The following NPC1 variants were observed in gnomAD, a reference collection of about 807,000 sequenced individuals.
The protein encoded by NPC1 is NPC intracellular cholesterol transporter 1, also known as Niemann-Pick C1 protein.
A neutral mutation model predicts 140.4 loss-of-function variants in NPC1; 85 were observed. The ratio of observed to expected loss-of-function variants is 0.61; its 90% CI spans 0.51 to 0.72. The LOEUF (loss-of-function observed/expected upper bound fraction) is 0.72, where lower values mean the gene tolerates loss of function less well. NPC1 is among the 30% of genes least tolerant of loss of function. NPC1 has a pLI of 0.00. For missense variants in NPC1, 1,504 were observed against 1,623.8 expected, an observed-to-expected ratio of 0.93 and a Z score of 1.27; for synonymous variants, 656 against 624.8, an observed-to-expected ratio of 1.05 and a Z score of -0.74.
Position 23,539,485 on chromosome 18 carries a change from C to G in NPC1, c.2796-15G>C. ...CTATTCGGGTACTAGAGAGGACAGA[C>G]AGGGTTACTGACCTGCTCCACAGGG... On this transcript the variant is annotated splice_polypyrimidine_tract_variant and intron_variant, in intron 18 of 24. Transcript: ENST00000269228. 1 of 1,561,080 alleles carries G rather than the reference C, an allele frequency of 6.4e-7. No homozygotes were observed. The highest frequency in any genetic ancestry group is 1.4e-5 in the African/African-American group (1 of 74,064).
At chr18:23,564,820 C>A (rs2059099022) in intron 4 of NPC1, among the ~76,000 whole-genome samples, 1 of 152,120 alleles carries the variant, frequency 6.6e-6, no homozygotes, top group Admixed American at 6.5e-5. Flanking sequence ...GGTCTTCGAT[C>A]CACTTTGAGT....
At position 23,531,874 on chromosome 18, in the gene NPC1, T is replaced by G. The variant is rs1326365719; in HGVS notation, c.*328A>C. The G allele has an allele frequency of 2.1e-6, 3 of 1,446,306 alleles. No homozygotes were observed. The highest frequency in any genetic ancestry group is 2.5e-5 in the East Asian group (1 of 40,300). The allele number at this position is 1,446,306 out of a possible 1,614,324, so 89.6% of individuals were successfully genotyped here. On this transcript the variant is annotated 3_prime_UTR_variant, in exon 25 of 25. Coordinates refer to ENST00000269228, the MANE Select transcript of NPC1 (RefSeq NM_000271.5). ...TACTCCTAAAAGGAGAGACAGACAG[T>G]GCATTGATTGGCCTTTACAGAGTGT...
At chr18:23,519,017 T>G (rs755639899), downstream of NPC1, 1 of 1,613,552 alleles carries the variant, frequency 6.2e-7, no homozygotes, top group South Asian at 1.1e-5. Context: ...CTCTCTGATT[T>G]TAAAATGTGA....
Position 23,541,308 on chromosome 18 carries a change from C to T in NPC1, c.2371G>A (p.Glu791Lys). 2 of 1,614,240 alleles carry T rather than the reference C, an allele frequency of 1.2e-6. No individual in the cohort carries two copies. The highest frequency in any genetic ancestry group is 1.7e-6 in the Non-Finnish European group (2 of 1,180,050). The change falls in exon 15 of 25, where the codon GAG becomes AAG. Residue 791 changes from glutamate (E) to lysine (K), a missense_variant and splice_region_variant. Transcript: ENST00000269228. ...SLLGLDIKRQ[E>K]KNRLDIFCCV... ...CTATAATCCTGGCACCAACTTACCT[C>T]TTGACGTTTAATGTCTAACCCCAAG...
chr18:23,521,596 G>C (rs1453325453), downstream of NPC1, among the ~76,000 whole-genome samples: 1 of 152,184 alleles, frequency 6.6e-6, no homozygotes, highest in Non-Finnish European at 1.5e-5. Context: ...AGGAATTCAG[G>C]AAAAGGGAAA....
At chr18:23,540,425 A>G (rs778124098) in intron 17 of NPC1, 23 bp downstream of exon 17, 14 of 1,460,554 alleles carry the variant, frequency 9.6e-6, no homozygotes, top group Non-Finnish European at 1.3e-5. Context: ...GTTAAAAAAA[A>G]AAAAAAAAGG....
In NPC1 at chr18:23,531,880, G is replaced by GGC; in HGVS notation, c.*321_*322insGC. 3 of 1,445,146 alleles carry GGC rather than the reference G, an allele frequency of 2.1e-6. No individual in the cohort carries two copies. The highest frequency in any genetic ancestry group is 2.7e-6 in the Non-Finnish European group (3 of 1,106,944). 89.5% of individuals were successfully genotyped at this position (1,445,146 alleles called of 1,614,324 possible). A position where few individuals can be genotyped will look rare whatever the true frequency, so the allele number is the denominator to read the frequency against. On this transcript the variant is annotated 3_prime_UTR_variant, in exon 25 of 25. Coordinates refer to ENST00000269228, the MANE Select transcript of NPC1 (RefSeq NM_000271.5). ...TAAAAGGAGAGACAGACAGTGCATT[G>GGC]ATTGGCCTTTACAGAGTGTCAGTGA... is the stretch of plus-strand genomic sequence containing the variant.
At chr18:23,519,258 C>A, downstream of NPC1, 1 of 1,231,256 alleles carries the variant, frequency 8.1e-7, no homozygotes, top group Non-Finnish European at 1.2e-6. Context: ...TGGATCACGC[C>A]TGTAATCCCA....
intron 3 of NPC1, among the ~76,000 whole-genome samples, chr18:23,508,455 T>C (rs1386119569): frequency 6.6e-6 from 1 of 152,222 alleles, no homozygotes; most frequent in African/African-American, 2.4e-5. Flanking sequence ...TTGTTGTCTT[T>C]GTCTTGTCCT....
intron 14 of NPC1, among the ~76,000 whole-genome samples, chr18:23,543,070 G>C (rs1453542402): frequency 1.3e-5 from 2 of 152,174 alleles, no homozygotes; most frequent in Non-Finnish European, 2.9e-5. Context: ...GCTCACGCCT[G>C]TAATCTCAGC....
chr18:23,543,632 G>T (rs1336461993), intron 13 of NPC1, 63 bp from the exon 14 acceptor site: 6 of 948,006 alleles, frequency 6.3e-6, no homozygotes, highest in Non-Finnish European at 6.7e-6. Flanking sequence ...GCCATTTCTT[G>T]CTGCCTTGTG....
intron 3 of NPC1, among the ~76,000 whole-genome samples, chr18:23,514,903 C>T (rs2057959760): frequency 6.6e-6 from 1 of 152,184 alleles, no homozygotes; most frequent in South Asian, 2.1e-4. Context: ...GCATTAATGT[C>T]TTGGGGGCTC....
intron 10 of NPC1, among the ~76,000 whole-genome samples, chr18:23,548,893 T>C (rs1652344): frequency 0.58 from 88,852 of 151,898 alleles, 27,261 homozygotes; most frequent in East Asian, 0.91. Context: ...CGAACTCAAT[T>C]AATCCTCCTG....
chr18:23,510,384 A>C (rs1351215179), intron 3 of NPC1, among the ~76,000 whole-genome samples: 1 of 151,916 alleles, frequency 6.6e-6, no homozygotes, highest in Non-Finnish European at 1.5e-5. Context: ...ACAGTGGCTC[A>C]CACCTGTAAT....
In NPC1 at chr18:23,515,779, C is replaced by T. The variant is rs1883834118; in HGVS notation, c.432-9137G>A. ...AACTCCTGACCTCAGGTGATCCGCC[C>T]ACCTTAGCCTCCCAAAGTGCTGGGA... On this transcript the variant is annotated intron_variant, in intron 3 of 3. Coordinates refer to the NPC1 transcript ENST00000591107. 3 of 1,569,310 alleles carry T rather than the reference C, an allele frequency of 1.9e-6. No individual in the cohort carries two copies. The East Asian group carries it at 6.8e-5, about 35-fold the overall frequency.
intron 3 of NPC1, chr18:23,515,721 T>TG (rs1297908127): frequency 1.1e-6 from 1 of 951,534 alleles, no homozygotes; most frequent in Non-Finnish European, 1.6e-6. Flanking sequence ...TTAGTAGAGA[T>TG]GGGGTTTTAC....
At chr18:23,517,874 C>T (rs898509565), downstream of NPC1, among the ~76,000 whole-genome samples, 1 of 152,130 alleles carries the variant, frequency 6.6e-6, no homozygotes, top group African/African-American at 2.4e-5. Context: ...CATGCCACCA[C>T]ATCTGGATAA....
At chr18:23,516,444 A>G (rs1227069404) in intron 3 of NPC1, 2 of 1,607,160 alleles carry the variant, frequency 1.2e-6, no homozygotes, top group Non-Finnish European at 1.7e-6. Context: ...GTCAGAGAGA[A>G]TTCCATCCTG....
downstream of NPC1, chr18:23,520,340 G>A (rs748734857): frequency 2.6e-6 from 4 of 1,554,248 alleles, no homozygotes; most frequent in African/African-American, 1.4e-5. Flanking sequence ...AGAGGAGTCT[G>A]TGCTGCCCTT....
Sources: allele counts gnomAD v4.1 joint callset (sites outside exome capture counted in the v4.1 genomes callset), GRCh38; gene constraint gnomAD v4.1.1; transcripts MANE v1.5; gene names NCBI Gene and HGNC (gene_info 2026-07-23, HGNC 2026-07-21).